LRRC49: variants seen among roughly 807,000 people sequenced by gnomAD.
LRRC49 encodes leucine rich repeat containing 49, also known as leucine-rich repeat-containing protein 49.
A neutral mutation model predicts 83.3 loss-of-function variants in LRRC49; 50 were observed. That is an observed-to-expected ratio of 0.60 (90% confidence interval 0.48 to 0.76). LRRC49 has a LOEUF of 0.76. LRRC49 is among the 30% of genes least tolerant of loss of function. The pLI, the probability that LRRC49 is intolerant of heterozygous loss-of-function variation, is 0.00. For synonymous variants in LRRC49, 286 were observed against 283.3 expected (o/e 1.01, Z -0.10); for missense variants, 704 against 809.1 (o/e 0.87, Z 1.58).
intron 1 of LRRC49, among the ~76,000 whole-genome samples, chr15:70,869,900 G>A (rs1188942974): frequency 6.6e-6 from 1 of 151,978 alleles, no homozygotes; most frequent in African/African-American, 2.4e-5. Context: ...CCCACACTGA[G>A]TTTATTACTG....
intron 15 of LRRC49, among the ~76,000 whole-genome samples, chr15:71,043,002 T>C (rs1180143313): frequency 1.3e-5 from 2 of 152,198 alleles, no homozygotes; most frequent in African/African-American, 4.8e-5. Context: ...CTCTCTTTTC[T>C]GAACACTGTT....
chr15:70,925,847 C>T (rs563130193), intron 7 of LRRC49, among the ~76,000 whole-genome samples: 1 of 152,210 alleles, frequency 6.6e-6, no homozygotes, highest in Admixed American at 6.5e-5. Flanking sequence ...CAATAAAATA[C>T]ACAATCAACT....
chr15:70,986,572 A>G (rs2037627434), intron 11 of LRRC49, among the ~76,000 whole-genome samples: 1 of 152,234 alleles, frequency 6.6e-6, no homozygotes, highest in Admixed American at 6.5e-5. Flanking sequence ...CAATCATGTC[A>G]TCTACAAACA....
At chr15:70,920,933 G>C (rs1182464899) in intron 7 of LRRC49, among the ~76,000 whole-genome samples, 1 of 151,990 alleles carries the variant, frequency 6.6e-6, no homozygotes, top group Non-Finnish European at 1.5e-5. Flanking sequence ...TAAAATCTGA[G>C]AATACTTCTC....
intron 14 of LRRC49, among the ~76,000 whole-genome samples, chr15:71,015,455 G>A (rs2038794890): frequency 6.6e-6 from 1 of 152,146 alleles, no homozygotes; most frequent in Non-Finnish European, 1.5e-5. Context: ...TAGGGTTTGC[G>A]TTCCTATGAG....
chr15:71,045,901 G>A (rs1596183099), intron 15 of LRRC49, among the ~76,000 whole-genome samples: 1 of 152,158 alleles, frequency 6.6e-6, no homozygotes, highest in East Asian at 1.9e-4. Flanking sequence ...TCTTCCATGT[G>A]TGCACAGTGC....
intron 14 of LRRC49, among the ~76,000 whole-genome samples, chr15:71,018,321 G>A (rs550003666): frequency 6.6e-5 from 10 of 152,036 alleles, no homozygotes; most frequent in African/African-American, 1.5e-4. Context: ...ATGTCTGTAC[G>A]GTTTGAAAAG....
intron 2 of LRRC49, among the ~76,000 whole-genome samples, chr15:70,885,939 G>A (rs901409659): frequency 6.6e-6 from 1 of 152,084 alleles, no homozygotes; most frequent in African/African-American, 2.4e-5. Context: ...CATGTTACAA[G>A]TTTCAACAAA....
intron 1 of LRRC49, among the ~76,000 whole-genome samples, chr15:70,868,298 G>A (rs2032954694): frequency 6.6e-6 from 1 of 152,226 alleles, no homozygotes; most frequent in South Asian, 2.1e-4. Flanking sequence ...AGCTATGACA[G>A]TGTAATACGT....
intron 1 of LRRC49, chr15:70,854,169 G>T: frequency 9.4e-7 from 1 of 1,069,060 alleles, no homozygotes; most frequent in Non-Finnish European, 1.2e-6. Context: ...CGACGAGGGG[G>T]CGGGGGCGGT....
chr15:71,035,771 A>G (rs1479142376), intron 14 of LRRC49, among the ~76,000 whole-genome samples: 4 of 152,068 alleles, frequency 2.6e-5, no homozygotes, highest in Non-Finnish European at 5.9e-5. Flanking sequence ...GGTTGATTCC[A>G]TGTCTTTGTT....
rs898442932 is a variant in LRRC49 at position 70,997,262 on chromosome 15, A to G, written c.1170-11117A>G. ...ATTGTTGTACCTTCCTTATGGATTA[A>G]CCAATTTTTCAATATAAAATGTTCT... On this transcript the variant is annotated intron_variant, in intron 11 of 15. Transcript: ENST00000260382. Among the ~76,000 whole-genome samples, 3 of 152,202 alleles carry G rather than the reference A, an allele frequency of 2.0e-5. 1 individual carries two copies. In the South Asian group the frequency reaches 6.2e-4, roughly 32 times the overall value.
chr15:70,893,514 CTTT>C lies in LRRC49; in HGVS notation c.49-60_49-58del, dbSNP rs3840844. 3,361 of 793,320 alleles carry C rather than the reference CTTT, an allele frequency of 4.2e-3. 17 individuals carry two copies. Among genetic ancestry groups the C allele is most frequent in the African/African-American group, 0.023 (1,283 of 55,962 alleles). 49.1% of individuals were successfully genotyped at this position (793,320 alleles called of 1,614,324 possible). On this transcript the variant is annotated intron_variant, in intron 1 of 15. Coordinates refer to ENST00000260382, the MANE Select transcript of LRRC49 (RefSeq NM_017691.5). ...TTTTTTGTTGTATTTCTGTTTGTACCTTTTTTTTTTTTGGAAATATGTGTTTGT... is the reference window on the plus strand; with the variant it reads ...TTTTTTGTTGTATTTCTGTTTGTACCTTTTTTTTTGGAAATATGTGTTTGT...
chr15:70,873,305 C>T (rs1185201031), intron 2 of LRRC49: 24 of 1,364,824 alleles, frequency 1.8e-5, no homozygotes, highest in Middle Eastern at 1.8e-4. Flanking sequence ...ACATCATATA[C>T]GGTCAAAATA....
chr15:70,882,639 T>C (rs2033293134), intron 2 of LRRC49: 3 of 1,613,884 alleles, frequency 1.9e-6, no homozygotes, highest in Non-Finnish European at 2.5e-6. Flanking sequence ...GCTTTCACTT[T>C]GGCTTGAATA....
At chr15:70,985,194 G>A (rs1288151036) in intron 11 of LRRC49, among the ~76,000 whole-genome samples, 4 of 150,562 alleles carry the variant, frequency 2.7e-5, no homozygotes, top group Admixed American at 6.6e-5. Context: ...AGATCCCTGA[G>A]GAATCGCCAC....
chr15:71,020,165 A>G (rs1354524463), intron 14 of LRRC49, among the ~76,000 whole-genome samples: 2 of 152,204 alleles, frequency 1.3e-5, no homozygotes, highest in Non-Finnish European at 2.9e-5. Flanking sequence ...TAAATGAAAT[A>G]TGTAATACAC....
chr15:70,953,223 A>G (rs555765837), intron 8 of LRRC49, among the ~76,000 whole-genome samples: 1 of 152,320 alleles, frequency 6.6e-6, no homozygotes, highest in East Asian at 1.9e-4. Flanking sequence ...GCTTTATAAT[A>G]TCAATGAAGT....
At chr15:71,025,364 C>T (rs890482499) in intron 14 of LRRC49, among the ~76,000 whole-genome samples, 1 of 151,908 alleles carries the variant, frequency 6.6e-6, no homozygotes, top group East Asian at 1.9e-4. Context: ...AGAAAGCCTA[C>T]AAGCCAGAAG....
Sources: allele counts gnomAD v4.1 joint callset (sites outside exome capture counted in the v4.1 genomes callset), GRCh38; gene constraint gnomAD v4.1.1; transcripts MANE v1.5; gene names NCBI Gene and HGNC (gene_info 2026-07-23, HGNC 2026-07-21).